ACOD1: variants seen among roughly 807,000 people sequenced by gnomAD.
The protein encoded by ACOD1 is aconitate decarboxylase 1.
ACOD1 carries 14 observed loss-of-function variants against 14.2 expected under a neutral mutation model. That is an observed-to-expected ratio of 0.99 (90% CI 0.65 to 1.54). The LOEUF is 1.54. Among genes scored for constraint, ACOD1 ranks in the 40% most tolerant of loss-of-function variants. ACOD1 has a pLI of 0.00. For missense variants in ACOD1, 530 were observed against 586.3 expected (o/e 0.90, Z 0.99); for synonymous variants, 182 against 221.7 (o/e 0.82, Z 1.59).
chr13:76,954,893 C>G (rs1293525800), intron 3 of ACOD1, among the ~76,000 whole-genome samples: 2 of 152,076 alleles, frequency 1.3e-5, no homozygotes, highest in South Asian at 2.1e-4. Context: ...CTTTGGGAGG[C>G]TGAGGCGGGC....
chr13:76,953,400 C>A (rs1362130972), intron 2 of ACOD1, among the ~76,000 whole-genome samples, 200 bp from the exon 3 acceptor site: 1 of 152,138 alleles, frequency 6.6e-6, no homozygotes, highest in Non-Finnish European at 1.5e-5. Flanking sequence ...GATCAAGCAA[C>A]GACATCTCCT....
chr13:76,957,138 C>T lies in ACOD1; in HGVS notation c.599C>T (p.Ala200Val). Reference protein sequence around the residue: ...IAVSHAGAPMANAATQTKPLH... With the variant: ...IAVSHAGAPMVNAATQTKPLH... ...GTTTCCCATGCTGGGGCACCCATGG[C>T]CAATGCTGCCACCCAGACCAAGCCC... Residue 200 changes from alanine to valine, a missense_variant, in exon 5 of 5, where the codon GCC (alanine) becomes GTC (valine). Physicochemically the swap from Ala to Val is moderately conservative, Grantham distance 64. Transcript: ENST00000377462. 2 of 1,550,666 alleles carry T rather than the reference C, an allele frequency of 1.3e-6. No homozygotes were observed. Among genetic ancestry groups the T allele is most frequent in the Non-Finnish European group, 1.7e-6 (2 of 1,147,020 alleles).
In ACOD1 at chr13:76,955,419, G is replaced by A. The variant is rs764190577; in HGVS notation, c.365G>A (p.Ser122Asn). ...GCTTTAGCAGAAGCCCTGCCAAGGA[G>A]TCCAAAGTTTTCTGGCCTTGACCTG... ...LTALAEALPR[S>N]PKFSGLDLLL... The change falls in exon 4 of 5, where the codon AGT becomes AAT. Residue 122 changes from serine (S) to asparagine (N), a missense_variant. Physicochemically the swap from Ser to Asn is conservative, Grantham distance 46 (BLOSUM62 1). Transcript: ENST00000377462. 4.5e-6 allele frequency: 7 copies of A among 1,550,636 alleles called. No individual in the cohort carries two copies. The South Asian group carries it at 5.9e-5, about 13-fold the overall frequency.
chr13:76,950,333 T>C (rs911590391), intron 1 of ACOD1, among the ~76,000 whole-genome samples: 1 of 152,184 alleles, frequency 6.6e-6, no homozygotes, highest in African/African-American at 2.4e-5. Context: ...ATTCACTAGG[T>C]GGTGAGCAGA....
intron 1 of ACOD1, 119 bp from the exon 2 acceptor site, chr13:76,952,370 C>T: frequency 2.6e-6 from 2 of 773,470 alleles, no homozygotes; most frequent in East Asian, 5.5e-5. Context: ...ATCTGAGCAA[C>T]TGGGTTTCTT....
chr13:76,948,803 T>C (rs763299956), intron 1 of ACOD1, among the ~76,000 whole-genome samples: 1 of 152,244 alleles, frequency 6.6e-6, no homozygotes, highest in Non-Finnish European at 1.5e-5. Context: ...GACAAGTTCA[T>C]TGAATTTTAA....
rs561030166 is a variant in ACOD1 at position 76,949,216 on chromosome 13, G to A, written c.12+646G>A. Among the ~76,000 whole-genome samples the A allele has an allele frequency of 6.6e-5, 10 of 152,066 alleles. No individual in the cohort carries two copies. In the South Asian group the frequency reaches 2.1e-3, roughly 32 times the overall value. ...CGGGAGGTGGAGCTTGCAGTGAGCC[G>A]AGATCGTGTCACTGTACTCCAGCCT... On this transcript the variant is annotated intron_variant, in intron 1 of 4. Transcript: ENST00000377462.
At chr13:76,952,072 T>C (rs1210243071) in intron 1 of ACOD1, among the ~76,000 whole-genome samples, 1 of 152,204 alleles carries the variant, frequency 6.6e-6, no homozygotes, top group Non-Finnish European at 1.5e-5. Flanking sequence ...GGGTAATATA[T>C]TTGAGACATT....
chr13:76,954,386 C>T (rs2033851611), intron 3 of ACOD1, among the ~76,000 whole-genome samples: 2 of 152,124 alleles, frequency 1.3e-5, no homozygotes, highest in South Asian at 4.1e-4. Context: ...TTTAAATGAA[C>T]TTCTGGATAT....
intron 1 of ACOD1, among the ~76,000 whole-genome samples, chr13:76,948,987 C>T (rs1440922832): frequency 1.3e-5 from 2 of 152,092 alleles, no homozygotes; most frequent in Non-Finnish European, 2.9e-5. Flanking sequence ...ACTTGTGGGC[C>T]GGGCACAGTG....
intron 1 of ACOD1, 139 bp downstream of exon 1, chr13:76,948,709 A>G: frequency 1.6e-6 from 1 of 633,220 alleles, no homozygotes; most frequent in African/African-American, 1.8e-5. Context: ...GGGCTACCTA[A>G]TTAACTGCAT....
intron 1 of ACOD1, among the ~76,000 whole-genome samples, chr13:76,951,231 A>G (rs1265958010): frequency 6.6e-6 from 1 of 152,096 alleles, no homozygotes; most frequent in Non-Finnish European, 1.5e-5. Flanking sequence ...TGATATCAAT[A>G]TATTGAATTT....
intron 3 of ACOD1, 92 bp from the exon 4 acceptor site, chr13:76,955,227 T>G: frequency 1.3e-6 from 1 of 777,630 alleles, no homozygotes; most frequent in Admixed American, 2.7e-5. Context: ...TAAAACAAGG[T>G]TATTACTAAA....
chr13:76,953,513 T>C, intron 2 of ACOD1, 87 bp from the exon 3 acceptor site: 1 of 775,386 alleles, frequency 1.3e-6, no homozygotes, highest in Non-Finnish European at 2.2e-6. Context: ...CTATGAATAA[T>C]GCCTCCAAAG....
intron 1 of ACOD1, among the ~76,000 whole-genome samples, chr13:76,952,101 G>A (rs751248009): frequency 3.9e-5 from 6 of 152,168 alleles, no homozygotes; most frequent in Non-Finnish European, 7.4e-5. Context: ...TGCCTGGCAG[G>A]TGTCTCATAA....
intron 1 of ACOD1, among the ~76,000 whole-genome samples, chr13:76,949,927 C>A (rs1431552104): frequency 6.6e-6 from 1 of 152,286 alleles, no homozygotes; most frequent in Middle Eastern, 3.4e-3. Context: ...CTTTGTGCCA[C>A]CATCCTTTCT....
At chr13:76,951,126 A>G (rs1286586034) in intron 1 of ACOD1, among the ~76,000 whole-genome samples, 1 of 152,220 alleles carries the variant, frequency 6.6e-6, no homozygotes, top group Non-Finnish European at 1.5e-5. Context: ...TGTAATTTAA[A>G]ATTTTCTAGT....
At chr13:76,956,244 C>T (rs1226549216) in intron 4 of ACOD1, among the ~76,000 whole-genome samples, 2 of 152,148 alleles carry the variant, frequency 1.3e-5, no homozygotes, top group Non-Finnish European at 2.9e-5. Context: ...GCTCTGTTGC[C>T]AGGCTGGAGT....
intron 1 of ACOD1, among the ~76,000 whole-genome samples, chr13:76,952,120 G>A (rs1002498117): frequency 3.9e-5 from 6 of 152,138 alleles, no homozygotes; most frequent in Admixed American, 3.9e-4. Flanking sequence ...AATAGCAGCT[G>A]TGCACTGCAC....
Sources: allele counts gnomAD v4.1 joint callset (sites outside exome capture counted in the v4.1 genomes callset), GRCh38; gene constraint gnomAD v4.1.1; transcripts MANE v1.5; gene names NCBI Gene and HGNC (gene_info 2026-07-23, HGNC 2026-07-21).